Variants in NXN observed in about 807,000 individuals in gnomAD.
NXN encodes the protein nucleoredoxin, also known as nucleoredoxin 1.
Under a neutral mutation model 48.6 loss-of-function variants are expected in NXN, and 16 were observed. The observed-to-expected ratio is 0.33, with a 90% CI of 0.22 to 0.50. The LOEUF (loss-of-function observed/expected upper bound fraction) is 0.50. Ranked by LOEUF, NXN falls within the 20% of genes least tolerant of loss-of-function variation. The pLI, the probability that NXN is intolerant of heterozygous loss-of-function variation, is 0.98. For missense variants in NXN, 492 were observed against 605.5 expected (o/e 0.81, Z 1.97); for synonymous variants, 281 against 269.6 (o/e 1.04, Z -0.41).
chr17:805,030 CAGCCACCCCTCG>C, intron 6 of NXN, 26 bp downstream of exon 6: 13 of 1,517,556 alleles, frequency 8.6e-6, no homozygotes, highest in African/African-American at 1.4e-5. Context: ...TCCCGCCCCC[CAGCCACCCCTCG>C]CCCCCTGCCC....
intron 1 of NXN, among the ~76,000 whole-genome samples, chr17:959,551 C>T (rs2069212312): frequency 6.6e-6 from 1 of 151,730 alleles, no homozygotes; most frequent in Non-Finnish European, 1.5e-5. Flanking sequence ...AATCCCAGCA[C>T]TTTCGGAGGC....
chr17:934,757 C>T (rs1274888128), intron 1 of NXN, among the ~76,000 whole-genome samples: 2 of 151,686 alleles, frequency 1.3e-5, no homozygotes, highest in African/African-American at 4.8e-5. Context: ...ACCTGTAATC[C>T]CAGCTACTTG....
chr17:844,990 TCCCAGCAC>T (rs1004717360), intron 1 of NXN, among the ~76,000 whole-genome samples: 12 of 152,180 alleles, frequency 7.9e-5, no homozygotes, highest in African/African-American at 2.4e-4. Flanking sequence ...CCAGGGCTCA[TCCCAGCAC>T]CCCAGAGCTC....
intron 7 of NXN, among the ~76,000 whole-genome samples, chr17:801,709 G>A (rs1311398495): frequency 6.6e-6 from 1 of 152,150 alleles, no homozygotes; most frequent in Non-Finnish European, 1.5e-5. Context: ...CTCCCAAAGT[G>A]CTAGGATTAC....
At chr17:817,085 C>A (rs1912508648) in intron 5 of NXN, among the ~76,000 whole-genome samples, 1 of 152,144 alleles carries the variant, frequency 6.6e-6, no homozygotes, top group Admixed American at 6.6e-5. Context: ...GCAGCACCCC[C>A]CGACACACCC....
At chr17:918,486 T>C (rs1003396802) in intron 1 of NXN, among the ~76,000 whole-genome samples, 2 of 152,102 alleles carry the variant, frequency 1.3e-5, no homozygotes, top group East Asian at 1.9e-4. Flanking sequence ...TTTGTCTTAA[T>C]TTCTTGACTT....
chr17:803,752 G>C lies in NXN; in HGVS notation c.1055C>G (p.Ala352Gly). ...TTTGTACTTGGCAATGATTTTCTCA[G>C]CTATCGGCTGAATCAGCTGCTTGGC... ...EAAKQLIQPIAEKIIAKYKAK... is the reference protein window; with the variant it reads ...EAAKQLIQPIGEKIIAKYKAK... The change falls in exon 7 of 8, where the codon GCT (alanine) becomes GGT (glycine). Residue 352 changes from alanine to glycine, a missense_variant. Physicochemically the swap from Ala to Gly is moderately conservative, Grantham distance 60. Coordinates refer to ENST00000336868, the MANE Select transcript of NXN (RefSeq NM_022463.5). The C allele has an allele frequency of 6.2e-7, 1 of 1,614,210 alleles. No individual in the cohort carries two copies.
chr17:962,733 C>G (rs2069251789), intron 1 of NXN, among the ~76,000 whole-genome samples: 1 of 152,086 alleles, frequency 6.6e-6, no homozygotes, highest in Admixed American at 6.6e-5. Flanking sequence ...ATAGAAGTGC[C>G]CGGCACGGAG....
At chr17:877,561 T>C (rs924428274) in intron 1 of NXN, among the ~76,000 whole-genome samples, 1 of 152,146 alleles carries the variant, frequency 6.6e-6, no homozygotes, top group Admixed American at 6.5e-5. Flanking sequence ...AGCCTTTCTT[T>C]CCTTTATGGA....
chr17:864,047 C>T (rs1393760650), intron 1 of NXN: 3 of 1,505,780 alleles, frequency 2.0e-6, no homozygotes, highest in South Asian at 2.5e-5. Flanking sequence ...GACACGTCTG[C>T]CATTGCTCGG....
chr17:843,064 A>AAAGAAAGCAAGCAAGCAAGC (rs1247377678), intron 1 of NXN, among the ~76,000 whole-genome samples: 1 of 138,134 alleles, frequency 7.2e-6, no homozygotes, highest in African/African-American at 2.7e-5. Flanking sequence ...AAGAAGGAAG[A>AAAGAAAGCAAGCAAGCAAGC]AAGCAAGCAA....
At chr17:961,337 A>T (rs1434980127) in intron 1 of NXN, among the ~76,000 whole-genome samples, 1 of 151,944 alleles carries the variant, frequency 6.6e-6, no homozygotes, top group Non-Finnish European at 1.5e-5. Context: ...GTGAGCCGAG[A>T]TCATGCCATT....
At chr17:944,650 C>T (rs1567513121) in intron 1 of NXN, among the ~76,000 whole-genome samples, 2 of 152,180 alleles carry the variant, frequency 1.3e-5, no homozygotes, top group East Asian at 1.9e-4. Context: ...GCAAGCCAGC[C>T]GGTAGGAGGA....
chr17:969,889 G>A (rs986615392), intron 1 of NXN, among the ~76,000 whole-genome samples: 1 of 152,136 alleles, frequency 6.6e-6, no homozygotes, highest in African/African-American at 2.4e-5. Flanking sequence ...GTGACTGTTC[G>A]ACAACGATAT....
intron 1 of NXN, chr17:911,303 G>A (rs1320727892): frequency 6.7e-6 from 1 of 150,302 alleles, no homozygotes; most frequent in East Asian, 1.9e-4. Flanking sequence ...TTTCTAGCCA[G>A]GAACAGTCTG....
intron 1 of NXN, among the ~76,000 whole-genome samples, chr17:829,170 T>G (rs996643354): frequency 1.4e-5 from 2 of 142,980 alleles, no homozygotes; most frequent in South Asian, 2.3e-4. Context: ...GGCGGGGTGG[T>G]GGGGCAAACA....
At chr17:887,901 C>T (rs1239070457) in intron 1 of NXN, among the ~76,000 whole-genome samples, 1 of 152,140 alleles carries the variant, frequency 6.6e-6, no homozygotes, top group Non-Finnish European at 1.5e-5. Flanking sequence ...TGAGTTTAAA[C>T]CCTTGGATCT....
chr17:976,442 G>A (rs2069459021), intron 1 of NXN, among the ~76,000 whole-genome samples: 1 of 152,094 alleles, frequency 6.6e-6, no homozygotes, highest in South Asian at 2.1e-4. Context: ...GTATACGCAT[G>A]GGCTTAAAGA....
At chr17:874,542 C>T (rs2068194009) in intron 1 of NXN, among the ~76,000 whole-genome samples, 2 of 152,194 alleles carry the variant, frequency 1.3e-5, no homozygotes, top group South Asian at 4.1e-4. Flanking sequence ...CGAGATCATG[C>T]CACTGCACTG....
Sources: allele counts gnomAD v4.1 joint callset (sites outside exome capture counted in the v4.1 genomes callset), GRCh38; gene constraint gnomAD v4.1.1; transcripts MANE v1.5; gene names NCBI Gene and HGNC (gene_info 2026-07-23, HGNC 2026-07-21).